The following SLC31A1 variants were observed in gnomAD, a reference collection of about 807,000 sequenced individuals.
The protein encoded by SLC31A1 is solute carrier family 31 member 1, also known as high affinity copper uptake protein 1.
SLC31A1 carries 5 observed loss-of-function variants against 17.2 expected under a neutral mutation model. The observed-to-expected ratio is 0.29, with a 90% CI of 0.15 to 0.61. The LOEUF (loss-of-function observed/expected upper bound fraction) is 0.61, where lower values mean the gene tolerates loss of function less well. Among genes scored for constraint, SLC31A1 ranks in the 20% least tolerant of loss-of-function variants. The probability of loss-of-function intolerance (pLI) is 0.86; values close to 1 mark genes in which losing one functional copy is unlikely to be tolerated. For missense variants in SLC31A1, 161 were observed against 241.4 expected (o/e 0.67, Z 2.21); for synonymous variants, 76 against 78.8 (o/e 0.96, Z 0.19).
rs1191586459 is a variant in SLC31A1 at position 113,251,480 on chromosome 9, CTTA to C, written c.-35-4631_-35-4629del. 2.6e-5 allele frequency among the ~76,000 whole-genome samples: 4 copies of C among 151,892 alleles called. No homozygotes were observed. In the East Asian group the frequency reaches 7.7e-4, roughly 29 times the overall value. ...AAGATTGTATGACCCTGGATTTTAA[CTTA>C]TTGTTACATGAGTACCCATTTTTAT... On this transcript the variant is annotated intron_variant, in intron 1 of 4. Transcript: ENST00000374212.
chr9:113,249,359 TTTTTTTTA>T (rs1181731735), intron 1 of SLC31A1, among the ~76,000 whole-genome samples: 1 of 151,684 alleles, frequency 6.6e-6, no homozygotes, highest in East Asian at 1.9e-4. Context: ...TTTCTTTGTT[TTTTTTTTA>T]TTTTTTTATT....
chr9:113,254,196 T>C (rs185389748), intron 1 of SLC31A1, among the ~76,000 whole-genome samples: 2 of 152,154 alleles, frequency 1.3e-5, no homozygotes, highest in South Asian at 2.1e-4. Flanking sequence ...TCAAGTGATC[T>C]GCCTGCCTCA....
intron 1 of SLC31A1, among the ~76,000 whole-genome samples, chr9:113,240,472 A>G (rs1261962865): frequency 6.6e-6 from 1 of 152,200 alleles, no homozygotes; most frequent in African/African-American, 2.4e-5. Flanking sequence ...GTATTTTAAA[A>G]ACTATAAGTC....
intron 1 of SLC31A1, among the ~76,000 whole-genome samples, chr9:113,233,066 G>C (rs1831418273): frequency 6.6e-6 from 1 of 152,190 alleles, no homozygotes; most frequent in African/African-American, 2.4e-5. Flanking sequence ...AACATCCTTA[G>C]TTTAGAGGAA....
In SLC31A1 at chr9:113,245,252, G is replaced by T. The variant is rs528736438; in HGVS notation, c.-35-10862G>T. Among the ~76,000 whole-genome samples, 7 of 152,162 alleles carry T rather than the reference G, an allele frequency of 4.6e-5. 1 individual carries two copies. The highest frequency in any genetic ancestry group is 1.2e-4 in the African/African-American group (5 of 41,538). On this transcript the variant is annotated intron_variant, in intron 1 of 4. Transcript: ENST00000374212. ...TTGTTTTGTTTGTTGTTGTTGTTTTGTTTTTTGTTTTTCTTAGTAGAGACA... is the reference window on the plus strand; with the variant it reads ...TTGTTTTGTTTGTTGTTGTTGTTTTTTTTTTTGTTTTTCTTAGTAGAGACA...
intron 1 of SLC31A1, 87 bp from the exon 2 acceptor site, chr9:113,256,027 A>G: frequency 9.8e-7 from 1 of 1,016,330 alleles, no homozygotes; most frequent in Non-Finnish European, 1.4e-6. Context: ...CCTGGGCAAC[A>G]TAGCAAGATT....
At chr9:113,236,642 A>G (rs538281831) in intron 1 of SLC31A1, among the ~76,000 whole-genome samples, 20 of 152,210 alleles carry the variant, frequency 1.3e-4, no homozygotes, top group Non-Finnish European at 1.6e-4. Context: ...GATTACAGGC[A>G]TGAGCCACCA....
At position 113,258,614 on chromosome 9, in the gene SLC31A1, G is replaced by A. The variant is rs1406646741; in HGVS notation, c.203-80G>A. ...GCTGAGAGTAGCATTTTTTCTATGT[G>A]TCTTTCTAGCTGGACAGCACATTGG... On this transcript the variant is annotated intron_variant, in intron 3 of 4. Transcript: ENST00000374212. The surrounding 1 kb of genome is among the most constrained non-coding windows in gnomAD (Gnocchi z 4.8). 2.7e-6 allele frequency: 4 copies of A among 1,483,732 alleles called. No individual in the cohort carries two copies. Among genetic ancestry groups the A allele is most frequent in the Admixed American group, 1.7e-5 (1 of 59,242 alleles). 91.9% of individuals were successfully genotyped at this position (1,483,732 alleles called of 1,614,324 possible). A position where few individuals can be genotyped will look rare whatever the true frequency, so the allele number is the denominator to read the frequency against.
intron 1 of SLC31A1, among the ~76,000 whole-genome samples, chr9:113,230,217 T>C (rs10817464): frequency 0.077 from 11,723 of 152,168 alleles, 557 homozygotes; most frequent in South Asian, 0.14. Flanking sequence ...CTTTTGGGGA[T>C]TTGTTTGTTT....
At chr9:113,238,053 C>T (rs895497433) in intron 1 of SLC31A1, among the ~76,000 whole-genome samples, 5 of 152,124 alleles carry the variant, frequency 3.3e-5, no homozygotes, top group Non-Finnish European at 5.9e-5. Context: ...CCCTCTTTTT[C>T]CCCATTCATT....
chr9:113,249,859 T>C (rs1190443004), intron 1 of SLC31A1, among the ~76,000 whole-genome samples: 1 of 150,936 alleles, frequency 6.6e-6, no homozygotes, highest in Non-Finnish European at 1.5e-5. Context: ...CATCAAAAAG[T>C]GGGCAAAGGA....
intron 1 of SLC31A1, among the ~76,000 whole-genome samples, chr9:113,228,680 C>G (rs377687366): frequency 1.1e-4 from 17 of 152,290 alleles, no homozygotes; most frequent in South Asian, 1.0e-3. Context: ...TCCCAGCAAG[C>G]CATCCGGAGA....
rs148977824 is a variant in SLC31A1 at position 113,230,209 on chromosome 9, T to G, written c.-36+8531T>G. On this transcript the variant is annotated intron_variant, in intron 1 of 4. Coordinates refer to ENST00000374212, the MANE Select transcript of SLC31A1 (RefSeq NM_001859.4). ...ATGATACCATAACAATTACTAATCT[T>G]TTGGGGATTTGTTTGTTTGTTCGTT... Among the ~76,000 whole-genome samples, 1,364 of 152,298 alleles carry G rather than the reference T, an allele frequency of 9.0e-3. 10 individuals are homozygous for G. Among genetic ancestry groups the G allele is most frequent in the Admixed American group, 0.015 (229 of 15,294 alleles).
At chr9:113,244,291 A>G (rs2119001595) in intron 1 of SLC31A1, among the ~76,000 whole-genome samples, 1 of 152,232 alleles carries the variant, frequency 6.6e-6, no homozygotes, top group Non-Finnish European at 1.5e-5. Flanking sequence ...AAGGCACTTA[A>G]AAGTTTTAAG....
intron 1 of SLC31A1, among the ~76,000 whole-genome samples, chr9:113,250,809 A>G (rs970079261): frequency 4.6e-5 from 7 of 151,938 alleles, no homozygotes; most frequent in Non-Finnish European, 1.0e-4. Flanking sequence ...ACTGGTAGGC[A>G]TTTGGGTCAT....
chr9:113,249,298 C>CAAA (rs56013452), intron 1 of SLC31A1, among the ~76,000 whole-genome samples: 1,193 of 117,962 alleles, frequency 0.01, 15 homozygotes, highest in African/African-American at 0.035. Flanking sequence ...CCTCAATTGG[C>CAAA]AAAAAAAAAA....
intron 1 of SLC31A1, among the ~76,000 whole-genome samples, chr9:113,244,155 C>CA (rs1200835310): frequency 0.25 from 9,733 of 38,814 alleles, 1,148 homozygotes; most frequent in South Asian, 0.36. Flanking sequence ...AACTCCATCT[C>CA]AAAAAAAAAA....
chr9:113,261,356 T>C lies in SLC31A1; in HGVS notation c.*883T>C, dbSNP rs1758909119. ...ATGTGATACGTTATACCAAAATCTT[T>C]GTAGTGTGCAGAGCGGTGGTTTGAG... On this transcript the variant is annotated 3_prime_UTR_variant, in exon 5 of 5. Transcript: ENST00000374212. The C allele has an allele frequency of 6.5e-6, 1 of 152,706 alleles. No homozygotes were observed. The highest frequency in any genetic ancestry group is 2.1e-4 in the South Asian group (1 of 4,840). The allele number at this position is 152,706 out of a possible 1,614,324, so 9.5% of individuals were successfully genotyped here.
intron 4 of SLC31A1, among the ~76,000 whole-genome samples, chr9:113,260,040 A>G (rs953970847): frequency 6.6e-6 from 1 of 152,180 alleles, no homozygotes; most frequent in African/African-American, 2.4e-5. Context: ...TCCTCCGGAA[A>G]AGGGTTCCTT....
Sources: allele counts gnomAD v4.1 joint callset (sites outside exome capture counted in the v4.1 genomes callset), GRCh38; gene constraint gnomAD v4.1.1; non-coding constraint Gnocchi (gnomAD v3.1); transcripts MANE v1.5; gene names NCBI Gene and HGNC (gene_info 2026-07-23, HGNC 2026-07-21).